ARHGAP10: variants seen among roughly 807,000 people sequenced by gnomAD.
ARHGAP10 encodes the protein Rho GTPase activating protein 10.
Under a neutral mutation model 108.6 loss-of-function variants are expected in ARHGAP10, and 87 were observed. The ratio of observed to expected loss-of-function variants is 0.80; its 90% confidence interval spans 0.67 to 0.96. ARHGAP10 has a LOEUF of 0.96. ARHGAP10 is among the 40% of genes least tolerant of loss of function. ARHGAP10 has a pLI of 0.00. For missense variants in ARHGAP10, 939 were observed against 954.5 expected (o/e 0.98, Z 0.21); for synonymous variants, 347 against 341.1 (o/e 1.02, Z -0.19).
chr4:147,944,382 A>G (rs886900507), intron 14 of ARHGAP10, among the ~76,000 whole-genome samples: 1 of 152,208 alleles, frequency 6.6e-6, no homozygotes, highest in Admixed American at 6.5e-5. Flanking sequence ...TGTAATCAAG[A>G]AATGTTGAAG....
At chr4:147,884,254 T>C (rs572501177) in intron 10 of ARHGAP10, among the ~76,000 whole-genome samples, 1 of 152,316 alleles carries the variant, frequency 6.6e-6, no homozygotes, top group South Asian at 2.1e-4. Context: ...ATCCTAGCTA[T>C]GATTGGAACC....
chr4:147,984,631 C>T (rs745951728), intron 18 of ARHGAP10, among the ~76,000 whole-genome samples: 3 of 152,200 alleles, frequency 2.0e-5, no homozygotes, highest in African/African-American at 7.2e-5. Context: ...TGAGCAGGCT[C>T]ACTGCCTCCT....
chr4:147,834,164 A>T (rs1297695776), intron 3 of ARHGAP10, among the ~76,000 whole-genome samples: 1 of 152,192 alleles, frequency 6.6e-6, no homozygotes, highest in African/African-American at 2.4e-5. Context: ...TCCTGTGATA[A>T]CCCATTAATC....
intron 19 of ARHGAP10, among the ~76,000 whole-genome samples, chr4:148,043,088 CA>C (rs1386594895): frequency 6.6e-6 from 1 of 152,114 alleles, no homozygotes; most frequent in Non-Finnish European, 1.5e-5. Context: ...CACCTAAAAC[CA>C]GGTTATAAAA....
chr4:147,943,520 T>A (rs1738244516), intron 14 of ARHGAP10, among the ~76,000 whole-genome samples: 1 of 152,202 alleles, frequency 6.6e-6, no homozygotes, highest in Non-Finnish European at 1.5e-5. Context: ...TGCATAAAAT[T>A]GCACTTTGCA....
At chr4:147,864,807 C>T in intron 5 of ARHGAP10, 39 bp from the exon 6 acceptor site, 2 of 1,577,622 alleles carry the variant, frequency 1.3e-6, no homozygotes, top group East Asian at 4.5e-5. Flanking sequence ...TCACTTTTCA[C>T]CATCTCCAGT....
At chr4:147,901,521 C>T (rs925918037) in intron 10 of ARHGAP10, among the ~76,000 whole-genome samples, 2 of 152,184 alleles carry the variant, frequency 1.3e-5, no homozygotes, top group African/African-American at 4.8e-5. Context: ...TCTACTTAAT[C>T]TCTCATCTTT....
At chr4:148,055,545 CT>C (rs2149685510) in intron 20 of ARHGAP10, among the ~76,000 whole-genome samples, 1 of 152,230 alleles carries the variant, frequency 6.6e-6, no homozygotes, top group South Asian at 2.1e-4. Context: ...AAAAATTAGC[CT>C]GGCATGGTGG....
chr4:147,792,504 A>G (rs1731158904), intron 1 of ARHGAP10, among the ~76,000 whole-genome samples: 1 of 152,148 alleles, frequency 6.6e-6, no homozygotes, highest in Non-Finnish European at 1.5e-5. Flanking sequence ...AATATAATGA[A>G]CACCTACGAG....
chr4:147,888,864 T>A (rs1735678336), intron 10 of ARHGAP10, among the ~76,000 whole-genome samples: 2 of 152,202 alleles, frequency 1.3e-5, no homozygotes, highest in South Asian at 4.1e-4. Flanking sequence ...TCGAAAGCAT[T>A]ATTTAGTGAA....
chr4:147,822,105 A>C (rs1732522496), intron 1 of ARHGAP10, among the ~76,000 whole-genome samples: 1 of 152,248 alleles, frequency 6.6e-6, no homozygotes, highest in Admixed American at 6.5e-5. Context: ...GTTTTCCACT[A>C]TTAATCTCCA....
intron 10 of ARHGAP10, among the ~76,000 whole-genome samples, chr4:147,887,674 C>T (rs1031522699): frequency 4.6e-5 from 7 of 151,770 alleles, no homozygotes; most frequent in South Asian, 2.1e-4. Flanking sequence ...GCAGCCTGAC[C>T]GATATGGTTA....
At chr4:148,027,894 A>C (rs1219113266) in intron 19 of ARHGAP10, among the ~76,000 whole-genome samples, 4 of 152,068 alleles carry the variant, frequency 2.6e-5, no homozygotes, top group Admixed American at 2.0e-4. Context: ...AGCCATTTGG[A>C]AGTTTTTTTT....
rs1739214561 is a variant in ARHGAP10, at chr4:147,966,667, T to C, written c.1557-13T>C. The stretch of plus-strand genomic sequence containing the variant: ...TTTGGTTAAACAGATTCCTCCCCCC[T>C]TACCAATTTCAGTGTTTCAAATCAC... On this transcript the variant is annotated splice_polypyrimidine_tract_variant and intron_variant, in intron 17 of 22. Coordinates refer to ENST00000336498, the MANE Select transcript of ARHGAP10 (RefSeq NM_024605.4). 6.4e-7 allele frequency: 1 copy of C among 1,551,706 alleles called. No homozygotes were observed. Among genetic ancestry groups the C allele is most frequent in the South Asian group, 1.2e-5 (1 of 80,752 alleles).
chr4:148,066,006 G>T (rs898368653), intron 22 of ARHGAP10, among the ~76,000 whole-genome samples: 1 of 149,792 alleles, frequency 6.7e-6, no homozygotes, highest in African/African-American at 2.5e-5. Flanking sequence ...AGGGTTGAGG[G>T]GATTAGTTTA....
intron 1 of ARHGAP10, among the ~76,000 whole-genome samples, chr4:147,763,711 G>A (rs997030411): frequency 5.4e-5 from 8 of 147,878 alleles, no homozygotes; most frequent in Non-Finnish European, 7.5e-5. Context: ...ATGTAGTCAG[G>A]ATTGAGAATA....
chr4:147,831,304 A>G (rs552299168), intron 3 of ARHGAP10, among the ~76,000 whole-genome samples: 2 of 152,342 alleles, frequency 1.3e-5, no homozygotes, highest in African/African-American at 2.4e-5. Context: ...AGGATTTGAG[A>G]CTATAGCTGG....
At chr4:147,901,435 G>A (rs1034613983) in intron 10 of ARHGAP10, among the ~76,000 whole-genome samples, 1 of 152,296 alleles carries the variant, frequency 6.6e-6, no homozygotes, top group South Asian at 2.1e-4. Context: ...CTCAATAGTG[G>A]AACTGTTTTG....
chr4:147,788,298 T>A (rs1730977610), intron 1 of ARHGAP10, among the ~76,000 whole-genome samples: 1 of 151,786 alleles, frequency 6.6e-6, no homozygotes, highest in South Asian at 2.1e-4. Flanking sequence ...TAAAAAAAAA[T>A]TAGCCAGGTG....
Sources: gnomAD v4.1 joint callset for allele counts (sites outside exome capture counted in the v4.1 genomes callset) on GRCh38, gnomAD v4.1.1 for gene constraint, MANE v1.5 for transcripts, NCBI Gene and HGNC (gene_info 2026-07-23, HGNC 2026-07-21) for gene names.